ST8SIA6: variants seen among roughly 807,000 people sequenced by gnomAD.
The protein encoded by ST8SIA6 is alpha-2,8-sialyltransferase 8F.
In ST8SIA6, 39 loss-of-function variants were observed where a neutral mutation model predicts 33.6. The observed-to-expected ratio is 1.16, with a 90% CI of 0.90 to 1.52. The LOEUF is 1.52. Ranked by LOEUF, ST8SIA6 falls within the 40% of genes most tolerant of loss-of-function variation. The probability of loss-of-function intolerance (pLI) is 0.00; values close to 1 mark genes in which losing one functional copy is unlikely to be tolerated. For missense variants in ST8SIA6, 441 were observed against 443.8 expected, an observed-to-expected ratio of 0.99 and a Z score of 0.06; for synonymous variants, 172 against 167.2, an observed-to-expected ratio of 1.03 and a Z score of -0.22.
chr10:17,376,163 GC>G (rs1849911530), intron 3 of ST8SIA6, among the ~76,000 whole-genome samples: 1 of 152,198 alleles, frequency 6.6e-6, no homozygotes, highest in East Asian at 1.9e-4. Flanking sequence ...AGTGATGTGC[GC>G]CCCCTGCAGG....
At chr10:17,401,258 C>T (rs1401668561) in intron 2 of ST8SIA6, among the ~76,000 whole-genome samples, 1 of 152,126 alleles carries the variant, frequency 6.6e-6, no homozygotes, top group African/African-American at 2.4e-5. Flanking sequence ...GAACTACAAA[C>T]CACTGCTCAA....
intron 2 of ST8SIA6, among the ~76,000 whole-genome samples, chr10:17,426,715 T>G (rs1405567846): frequency 1.3e-5 from 2 of 152,210 alleles, no homozygotes; most frequent in Non-Finnish European, 2.9e-5. Context: ...AGCGTGGTGG[T>G]CTTTTAGACC....
At chr10:17,354,274 T>C (rs1849124621) in intron 4 of ST8SIA6, among the ~76,000 whole-genome samples, 1 of 152,122 alleles carries the variant, frequency 6.6e-6, no homozygotes, top group Admixed American at 6.6e-5. Context: ...AATAGCTGAG[T>C]GTCACGCTCA....
chr10:17,329,055 C>G (rs189402909), intron 5 of ST8SIA6, among the ~76,000 whole-genome samples: 6 of 152,250 alleles, frequency 3.9e-5, no homozygotes, highest in Non-Finnish European at 7.4e-5. Flanking sequence ...AGAAGATGCC[C>G]CAGAATCATT....
At chr10:17,434,122 A>T (rs1232326912) in intron 2 of ST8SIA6, among the ~76,000 whole-genome samples, 2 of 152,136 alleles carry the variant, frequency 1.3e-5, no homozygotes, top group Non-Finnish European at 2.9e-5. Flanking sequence ...GACAGCATTT[A>T]TGCAGAATGG....
At chr10:17,393,810 C>T (rs1225135774) in intron 2 of ST8SIA6, among the ~76,000 whole-genome samples, 1 of 152,132 alleles carries the variant, frequency 6.6e-6, no homozygotes, top group Non-Finnish European at 1.5e-5. Flanking sequence ...CTCAGAAATC[C>T]TTTCTAAAAA....
At chr10:17,453,135 C>T (rs567373696) in intron 2 of ST8SIA6, among the ~76,000 whole-genome samples, 1 of 151,404 alleles carries the variant, frequency 6.6e-6, no homozygotes, top group South Asian at 2.1e-4. Flanking sequence ...ATTCCTAGCA[C>T]GCAAAACAAA....
intron 2 of ST8SIA6, among the ~76,000 whole-genome samples, chr10:17,439,719 C>G (rs981878133): frequency 3.3e-5 from 5 of 152,322 alleles, no homozygotes; most frequent in East Asian, 1.9e-4. Flanking sequence ...ACAATCCTAA[C>G]AAGGCTCACT....
chr10:17,318,653 G>T lies in ST8SIA6; in HGVS notation c.*2225C>A, dbSNP rs1299826699. ...AATGCTGATTACATACAGATTTCTT[G>T]GGAGTGTCACAGTCAGACTTGGTTG... On this transcript the variant is annotated 3_prime_UTR_variant, in exon 8 of 8. Transcript: ENST00000377602. The T allele has an allele frequency of 2.1e-6, 1 of 469,722 alleles. No homozygotes were observed. The highest frequency in any genetic ancestry group is 4.4e-6 in the Non-Finnish European group (1 of 226,720). 29.1% of individuals were successfully genotyped at this position (469,722 alleles called of 1,614,324 possible). A position where few individuals can be genotyped will look rare whatever the true frequency, so the allele number is the denominator to read the frequency against.
At chr10:17,413,382 C>T (rs958583451) in intron 2 of ST8SIA6, 2 of 151,672 alleles carry the variant, frequency 1.3e-5, no homozygotes, top group Non-Finnish European at 2.9e-5. Flanking sequence ...ATTTACGAGT[C>T]TTATCACATT....
rs187770789 is a variant in ST8SIA6, at chr10:17,430,462, C to T, written c.200+23097G>A. Among the ~76,000 whole-genome samples, 8 of 152,286 alleles carry T rather than the reference C, an allele frequency of 5.3e-5. 1 individual carries two copies. The highest frequency in any genetic ancestry group is 1.9e-4 in the East Asian group (1 of 5,182). On this transcript the variant is annotated intron_variant, in intron 2 of 7. Transcript: ENST00000377602. The stretch of plus-strand genomic sequence containing the variant: ...AGATCCACTTTTAGTGGAATCTTCA[C>T]GCTGTTTTCCATAAAAGCTGTACTA...
rs1847906638 is a variant in ST8SIA6 at position 17,320,441 on chromosome 10, A to T, written c.*437T>A. On this transcript the variant is annotated 3_prime_UTR_variant, in exon 8 of 8. Coordinates refer to ENST00000377602, the MANE Select transcript of ST8SIA6 (RefSeq NM_001004470.3). The stretch of plus-strand genomic sequence containing the variant: ...GCAGTCTTTGAGACAGAAAAATGGG[A>T]AGGATATTATTGATAGAGACCTGCC... 1 of 159,916 alleles carries T rather than the reference A, an allele frequency of 6.3e-6. No individual in the cohort carries two copies. Among genetic ancestry groups the T allele is most frequent in the African/African-American group, 2.4e-5 (1 of 41,526 alleles). 9.9% of individuals were successfully genotyped at this position (159,916 alleles called of 1,614,324 possible).
At chr10:17,359,279 C>T (rs1331472397) in intron 4 of ST8SIA6, among the ~76,000 whole-genome samples, 1 of 152,122 alleles carries the variant, frequency 6.6e-6, no homozygotes, top group African/African-American at 2.4e-5. Flanking sequence ...ATACTAAAAT[C>T]TTTCTTTTGA....
At chr10:17,357,062 C>G (rs1476512245) in intron 4 of ST8SIA6, among the ~76,000 whole-genome samples, 1 of 152,090 alleles carries the variant, frequency 6.6e-6, no homozygotes, top group South Asian at 2.1e-4. Context: ...CTGCTCCTAT[C>G]GGGCATCTAA....
intron 2 of ST8SIA6, among the ~76,000 whole-genome samples, chr10:17,444,051 G>A (rs1461268300): frequency 6.6e-6 from 1 of 152,076 alleles, no homozygotes; most frequent in Admixed American, 6.6e-5. Context: ...TATTTCCAGC[G>A]TTAGCACCTA....
At chr10:17,433,649 C>T (rs1852167364) in intron 2 of ST8SIA6, among the ~76,000 whole-genome samples, 1 of 152,114 alleles carries the variant, frequency 6.6e-6, no homozygotes, top group Admixed American at 6.5e-5. Flanking sequence ...GGATGCAGCC[C>T]TCTCAGCACT....
chr10:17,326,212 A>G (rs1311288361), intron 6 of ST8SIA6, among the ~76,000 whole-genome samples: 1 of 152,196 alleles, frequency 6.6e-6, no homozygotes. Context: ...ATTGCTTAAA[A>G]GGGCAGCATT....
At chr10:17,359,839 A>G (rs975971281) in intron 3 of ST8SIA6, among the ~76,000 whole-genome samples, 2 of 152,150 alleles carry the variant, frequency 1.3e-5, no homozygotes, top group Admixed American at 1.3e-4. Context: ...TAGTATTAAA[A>G]ACCGTGACAA....
intron 2 of ST8SIA6, among the ~76,000 whole-genome samples, chr10:17,421,012 G>A (rs1004047512): frequency 4.6e-5 from 7 of 152,140 alleles, no homozygotes; most frequent in South Asian, 2.1e-4. Flanking sequence ...GTGAAATCGC[G>A]AGAACAGCAA....
Sources: gnomAD v4.1 joint callset for allele counts (sites outside exome capture counted in the v4.1 genomes callset) on GRCh38, gnomAD v4.1.1 for gene constraint, MANE v1.5 for transcripts, NCBI Gene and HGNC (gene_info 2026-07-23, HGNC 2026-07-21) for gene names.